The following SERPIND1 variants were observed in gnomAD, a reference collection of about 807,000 sequenced individuals.
The protein encoded by SERPIND1 is heparin cofactor 2.
Under a neutral mutation model 35.0 loss-of-function variants are expected in SERPIND1, and 34 were observed. The ratio of observed to expected loss-of-function variants is 0.97; its 90% confidence interval spans 0.74 to 1.29. The LOEUF (loss-of-function observed/expected upper bound fraction) is 1.29. SERPIND1 is among the 50% of genes most tolerant of loss of function. The probability of loss-of-function intolerance (pLI) is 0.00; values close to 1 mark genes in which losing one functional copy is unlikely to be tolerated. For missense variants in SERPIND1, 633 were observed against 637.7 expected (o/e 0.99, Z 0.08); for synonymous variants, 236 against 241.1 (o/e 0.98, Z 0.19).
Position 20,786,948 on chromosome 22 carries a change from T to G in SERPIND1, c.1382T>G (p.Met461Arg), listed in dbSNP as rs771239760. Residue 461 changes from methionine to arginine, a missense_variant, in exon 5 of 5, where the codon ATG becomes AGG. Coordinates refer to ENST00000215727, the MANE Select transcript of SERPIND1 (RefSeq NM_000185.4). Reference sequence around the variant, plus strand: ...ACCACTGTGACCACGGTGGGGTTCATGCCGCTGTCCACCCAAGTCCGCTTC... The same window carrying G: ...ACCACTGTGACCACGGTGGGGTTCAGGCCGCTGTCCACCCAAGTCCGCTTC... Reference protein sequence around the residue: ...QATTVTTVGFMPLSTQVRFTV... With the variant: ...QATTVTTVGFRPLSTQVRFTV... 1.2e-6 allele frequency: 2 copies of G among 1,614,050 alleles called. No homozygotes were observed.
In SERPIND1 at chr22:20,780,122, C is replaced by A. The variant is rs768872389; in HGVS notation, c.810C>A (p.Thr270=). 2 of 1,614,026 alleles carry A rather than the reference C, an allele frequency of 1.2e-6. No homozygotes were observed. Among genetic ancestry groups the A allele is most frequent in the Admixed American group, 3.3e-5 (2 of 59,984 alleles). ...CCAACAACCACATCATGAAGCTCAC[C>A]AAGGGCCTCATAAAAGATGCTCTGG... ...SKTNNHIMKL[T]KGLIKDALEN... The change falls in exon 2 of 5, where the codon ACC becomes ACA. Residue 270 remains threonine, a synonymous_variant. Transcript: ENST00000215727.
chr22:20,779,192 G>A (rs774531217), intron 1 of SERPIND1, 105 bp from the exon 2 acceptor site: 22 of 1,588,758 alleles, frequency 1.4e-5, no homozygotes, highest in African/African-American at 1.2e-4. Context: ...AATGCTGTGA[G>A]GGCCTCTTCC....
chr22:20,778,700 T>C (rs945260351), intron 1 of SERPIND1, among the ~76,000 whole-genome samples: 4 of 152,112 alleles, frequency 2.6e-5, no homozygotes, highest in African/African-American at 9.7e-5. Context: ...TGAGTCCCAC[T>C]AATGCACATC....
intron 2 of SERPIND1, among the ~76,000 whole-genome samples, chr22:20,780,466 A>G (rs777147983): frequency 6.6e-6 from 1 of 152,146 alleles, no homozygotes; most frequent in Non-Finnish European, 1.5e-5. Context: ...GAAGCCACCA[A>G]CACATGAAGT....
At chr22:20,782,607 T>C (rs1270693994) in intron 2 of SERPIND1, among the ~76,000 whole-genome samples, 1 of 152,160 alleles carries the variant, frequency 6.6e-6, no homozygotes, top group African/African-American at 2.4e-5. Flanking sequence ...CCAAGAGACA[T>C]GGGACAGCTC....
chr22:20,781,313 C>G (rs541797816), intron 2 of SERPIND1, among the ~76,000 whole-genome samples: 1 of 152,182 alleles, frequency 6.6e-6, no homozygotes, highest in Admixed American at 6.5e-5. Context: ...AGGGGAAACA[C>G]GAGGAATGGT....
chr22:20,780,657 T>A (rs1275596697), intron 2 of SERPIND1, among the ~76,000 whole-genome samples: 2 of 151,420 alleles, frequency 1.3e-5, no homozygotes, highest in Non-Finnish European at 2.9e-5. Context: ...GTGCCTGTAC[T>A]CCCAGCTACT....
At chr22:20,777,204 A>C (rs2147466529) in intron 1 of SERPIND1, among the ~76,000 whole-genome samples, 1 of 151,474 alleles carries the variant, frequency 6.6e-6, no homozygotes, top group South Asian at 2.1e-4. Flanking sequence ...ACACCAGGCT[A>C]ATTATTTTTC....
At position 20,785,982 on chromosome 22, in the gene SERPIND1, CCCCCTTTCCTTTT is replaced by C. The variant is rs774519246; in HGVS notation, c.1164-20_1164-8del. ...AACTTGTGGTTCAATAAAACTGGGC[CCCCCTTTCCTTTT>C]CTGTCTAGAACTCGAGAAGTGCTTC... On this transcript the variant is annotated splice_polypyrimidine_tract_variant and intron_variant, in intron 3 of 4. Transcript: ENST00000215727. 2 of 1,613,960 alleles carry C rather than the reference CCCCCTTTCCTTTT, an allele frequency of 1.2e-6. No homozygotes were observed. Among genetic ancestry groups the C allele is most frequent in the Non-Finnish European group, 1.7e-6 (2 of 1,180,016 alleles).
rs1934313484 is a variant in SERPIND1, at chr22:20,787,162, A to G, written c.*96A>G. 1 of 1,118,264 alleles carries G rather than the reference A, an allele frequency of 8.9e-7. No individual in the cohort carries two copies. The highest frequency in any genetic ancestry group is 1.3e-6 in the Non-Finnish European group (1 of 741,802). 69.3% of individuals were successfully genotyped at this position (1,118,264 alleles called of 1,614,324 possible). The stretch of plus-strand genomic sequence containing the variant: ...AGAGATGTTCTGGCATCATTTACGT[A>G]GTTTACGCTACCAATCTGAATTCGA... On this transcript the variant is annotated 3_prime_UTR_variant, in exon 5 of 5. Coordinates refer to ENST00000215727, the MANE Select transcript of SERPIND1 (RefSeq NM_000185.4).
Position 20,786,167 on chromosome 22 carries a change from A to G in SERPIND1, c.1308+19A>G, listed in dbSNP as rs1245445242. The G allele has an allele frequency of 6.2e-7, 1 of 1,612,768 alleles. No homozygotes were observed. The highest frequency in any genetic ancestry group is 8.5e-7 in the Non-Finnish European group (1 of 1,179,780). On this transcript the variant is annotated intron_variant, in intron 4 of 4. Transcript: ENST00000215727. The stretch of plus-strand genomic sequence containing the variant: ...CGACCTGGTAACCACTCCCTTGTCC[A>G]CCCCCGACCCGTCCCCAGGGTCTGC...
In SERPIND1 at chr22:20,787,174, C is replaced by A; in HGVS notation, c.*108C>A. 1 of 1,033,418 alleles carries A rather than the reference C, an allele frequency of 9.7e-7. No individual in the cohort carries two copies. Among genetic ancestry groups the A allele is most frequent in the Non-Finnish European group, 1.5e-6 (1 of 671,318 alleles). The allele number at this position is 1,033,418 out of a possible 1,614,324, so 64.0% of individuals were successfully genotyped here. Reference sequence around the variant, plus strand: ...GCATCATTTACGTAGTTTACGCTACCAATCTGAATTCGAGGCCCATATGAG... The same window carrying A: ...GCATCATTTACGTAGTTTACGCTACAAATCTGAATTCGAGGCCCATATGAG... On this transcript the variant is annotated 3_prime_UTR_variant, in exon 5 of 5. Coordinates refer to ENST00000215727, the MANE Select transcript of SERPIND1 (RefSeq NM_000185.4).
At position 20,780,059 on chromosome 22, in the gene SERPIND1, G is replaced by A. The variant is rs1311440893; in HGVS notation, c.747G>A (p.Gln249=). 6.2e-7 allele frequency: 1 copy of A among 1,614,120 alleles called. No individual in the cohort carries two copies. The change falls in exon 2 of 5, where the codon CAG becomes CAA. Residue 249 remains glutamine, a synonymous_variant. Transcript: ENST00000215727. ...KVREYYFAEA[Q]IADFSDPAFI... ...GAGAGTATTACTTTGCTGAGGCCCA[G>A]ATAGCTGACTTCTCAGACCCTGCCT...
chr22:20,785,732 A>C (rs1457578268), intron 3 of SERPIND1, among the ~76,000 whole-genome samples: 1 of 152,198 alleles, frequency 6.6e-6, no homozygotes, highest in Non-Finnish European at 1.5e-5. Context: ...AACCAGGAAA[A>C]GTTCTGCTGC....
chr22:20,779,624 A>G lies in SERPIND1; in HGVS notation c.312A>G (p.Thr104=). The change falls in exon 2 of 5, where the codon ACA becomes ACG. Residue 104 remains threonine, a synonymous_variant. Transcript: ENST00000215727. ...TCGACAGTCTGTCAGTTTCCCCGAC[A>G]GACTCTGATGTGAGTGCTGGGAACA... ...DIVDSLSVSP[T]DSDVSAGNIL... 6.2e-7 allele frequency: 1 copy of G among 1,614,262 alleles called. No individual in the cohort carries two copies. Among genetic ancestry groups the G allele is most frequent in the Non-Finnish European group, 8.5e-7 (1 of 1,180,042 alleles).
At chr22:20,775,416 G>A (rs1933188176) in intron 1 of SERPIND1, among the ~76,000 whole-genome samples, 1 of 152,116 alleles carries the variant, frequency 6.6e-6, no homozygotes, top group Non-Finnish European at 1.5e-5. Context: ...CTCTGGTAAG[G>A]GAATGACGAA....
intron 2 of SERPIND1, among the ~76,000 whole-genome samples, chr22:20,782,703 G>A (rs1273736336): frequency 6.6e-6 from 1 of 152,162 alleles, no homozygotes; most frequent in Non-Finnish European, 1.5e-5. Flanking sequence ...CAACCTGGGG[G>A]GTTGGAGTAA....
At position 20,779,888 on chromosome 22, in the gene SERPIND1, G is replaced by C; in HGVS notation, c.576G>C (p.Lys192Asn). The change falls in exon 2 of 5, where the codon AAG becomes AAC. Residue 192 changes from lysine (K) to asparagine (N), a missense_variant. By Grantham distance (94) the Lys-to-Asn change is moderately conservative. Coordinates refer to ENST00000215727, the MANE Select transcript of SERPIND1 (RefSeq NM_000185.4). ...AAGACTTTGTTAATGCCAGCAGCAA[G>C]TATGAAATCACGACCATTCATAATC... ...HFKDFVNASS[K>N]YEITTIHNLF... 1 of 1,614,238 alleles carries C rather than the reference G, an allele frequency of 6.2e-7. No homozygotes were observed. The highest frequency in any genetic ancestry group is 8.5e-7 in the Non-Finnish European group (1 of 1,180,046).
At chr22:20,782,501 C>T (rs1476135710) in intron 2 of SERPIND1, among the ~76,000 whole-genome samples, 1 of 152,144 alleles carries the variant, frequency 6.6e-6, no homozygotes, top group Admixed American at 6.5e-5. Flanking sequence ...GAATCATCTC[C>T]ATTACTAATT....
Sources: gnomAD v4.1 joint callset for allele counts (sites outside exome capture counted in the v4.1 genomes callset) on GRCh38, gnomAD v4.1.1 for gene constraint, MANE v1.5 for transcripts, NCBI Gene and HGNC (gene_info 2026-07-23, HGNC 2026-07-21) for gene names.